TEX9: variants seen among roughly 807,000 people sequenced by gnomAD.
TEX9 encodes testis expressed 9, also known as testis-expressed protein 9.
A neutral mutation model predicts 59.6 loss-of-function variants in TEX9; 74 were observed. That is an observed-to-expected ratio of 1.24 (90% CI 1.03 to 1.51). The LOEUF (loss-of-function observed/expected upper bound fraction) is 1.51. Among genes scored for constraint, TEX9 ranks in the 40% most tolerant of loss-of-function variants. The probability of loss-of-function intolerance (pLI) is 0.00; values close to 1 mark genes in which losing one functional copy is unlikely to be tolerated. For missense variants in TEX9, 522 were observed against 447.8 expected (o/e 1.17, Z -1.49); for synonymous variants, 186 against 152.2 (o/e 1.22, Z -1.64).
At chr15:56,433,662 A>G (rs186959467) in intron 12 of TEX9, among the ~76,000 whole-genome samples, 40 of 152,178 alleles carry the variant, frequency 2.6e-4, no homozygotes, top group Non-Finnish European at 5.4e-4. Context: ...TCTACCTTCA[A>G]TGCTCTCACT....
At position 56,423,559 on chromosome 15, in the gene TEX9, A is replaced by G. The variant is rs375148608; in HGVS notation, c.964-4046A>G. On this transcript the variant is annotated intron_variant, in intron 10 of 12. Coordinates refer to ENST00000352903, the Ensembl canonical transcript of TEX9. ...ATTCATATACCATGCAACCCACTTAAAATATACAAATAAGTTTGTTTTTAG... is the reference window on the plus strand; with the variant it reads ...ATTCATATACCATGCAACCCACTTAGAATATACAAATAAGTTTGTTTTTAG... 2.1e-3 allele frequency among the ~76,000 whole-genome samples: 312 copies of G among 152,190 alleles called. 3 individuals carry two copies. The highest frequency in any genetic ancestry group is 7.2e-3 in the African/African-American group (297 of 41,534).
chr15:56,299,047 C>T (rs768059575), intron 1 of TEX9, among the ~76,000 whole-genome samples: 3 of 152,144 alleles, frequency 2.0e-5, no homozygotes, highest in Non-Finnish European at 4.4e-5. Context: ...AATAAAGCAC[C>T]TTCATAAGAG....
intron 1 of TEX9, among the ~76,000 whole-genome samples, chr15:56,355,798 G>C (rs76368723): frequency 6.6e-6 from 1 of 151,746 alleles, no homozygotes; most frequent in East Asian, 1.9e-4. Context: ...TACATGTTTT[G>C]GTAGATTTAT....
chr15:56,391,155 G>T, intron 6 of TEX9, 88 bp from the exon 7 acceptor site: 1 of 716,226 alleles, frequency 1.4e-6, no homozygotes, highest in Non-Finnish European at 2.0e-6. Flanking sequence ...CTGCTTATTT[G>T]GGTAAAAGGC....
At chr15:56,384,919 C>T (rs1375001024) in intron 4 of TEX9, among the ~76,000 whole-genome samples, 4 of 152,084 alleles carry the variant, frequency 2.6e-5, no homozygotes, top group African/African-American at 9.7e-5. Context: ...AAAGGGAATA[C>T]CTGATTATCT....
chr15:56,291,201 T>C (rs763228339), intron 1 of TEX9, among the ~76,000 whole-genome samples: 7 of 152,222 alleles, frequency 4.6e-5, no homozygotes, highest in Non-Finnish European at 8.8e-5. Flanking sequence ...TAAATACATA[T>C]GTGAAAGATC....
chr15:56,402,957 A>G (rs573204884), intron 9 of TEX9, among the ~76,000 whole-genome samples: 4 of 152,358 alleles, frequency 2.6e-5, no homozygotes, highest in African/African-American at 9.6e-5. Context: ...AAAACTTTCA[A>G]TAAACTAGGT....
At position 56,382,344 on chromosome 15, in the gene TEX9, G is replaced by A. The variant is rs550356292; in HGVS notation, c.184-1608G>A. ...CAGGCACCCCAAGAGTCCACGTGGT[G>A]CTCTGCCCTGCTGTGGCTGTGCTAG... On this transcript the variant is annotated intron_variant, in intron 3 of 12. Transcript: ENST00000352903. 2.6e-5 allele frequency among the ~76,000 whole-genome samples: 4 copies of A among 152,290 alleles called. No homozygotes were observed. The South Asian group carries it at 8.3e-4, about 32-fold the overall frequency.
chr15:56,359,796 AATG>A (rs1210326566), intron 1 of TEX9, among the ~76,000 whole-genome samples: 2 of 152,152 alleles, frequency 1.3e-5, no homozygotes, highest in African/African-American at 4.8e-5. Flanking sequence ...ATTAAATAAT[AATG>A]ATGATAAAGG....
At chr15:56,458,295 T>C in the TEX9 span, among the ~76,000 whole-genome samples, 22 of 152,128 alleles carry the variant, frequency 1.4e-4, no homozygotes, top group South Asian at 1.2e-3. Flanking sequence ...TTAAAAAAAA[T>C]AGACTTTGAA....
chr15:56,409,722 G>A (rs28609291), intron 9 of TEX9: 4,770 of 152,188 alleles, frequency 0.031, 183 homozygotes, highest in East Asian at 0.094. Flanking sequence ...GACTGGTCTC[G>A]AACTCCTGGG....
intron 12 of TEX9, among the ~76,000 whole-genome samples, chr15:56,430,635 G>T (rs1217257569): frequency 1.3e-5 from 2 of 152,200 alleles, no homozygotes; most frequent in African/African-American, 2.4e-5. Flanking sequence ...CTCAAGCTCA[G>T]TTCAACCATG....
chr15:56,313,126 A>C (rs1399088601), intron 1 of TEX9, among the ~76,000 whole-genome samples: 2 of 151,802 alleles, frequency 1.3e-5, no homozygotes, highest in African/African-American at 4.8e-5. Flanking sequence ...TCCTAATTGA[A>C]TACCCGTTAT....
intron 1 of TEX9, chr15:56,323,826 C>A (rs1413586599): frequency 1.9e-5 from 4 of 215,956 alleles, no homozygotes; most frequent in Non-Finnish European, 3.9e-5. Context: ...GTTCTAGTGA[C>A]TTTTTTCTTG....
chr15:56,319,984 G>T (rs1435215457), intron 1 of TEX9, among the ~76,000 whole-genome samples: 1 of 152,174 alleles, frequency 6.6e-6, no homozygotes, highest in African/African-American at 2.4e-5. Flanking sequence ...AGGCTGAACA[G>T]AGACAAAACT....
Position 56,312,506 on chromosome 15 carries a change from C to T in TEX9, c.-106-60935C>T, listed in dbSNP as rs1402735129. Among the ~76,000 whole-genome samples, 74 of 149,152 alleles carry T rather than the reference C, an allele frequency of 5.0e-4. 3 individuals carry two copies. Among genetic ancestry groups the T allele is most frequent in the African/African-American group, 1.9e-3 (74 of 39,772 alleles). On this transcript the variant is annotated intron_variant, in intron 1 of 5. Transcript: ENST00000560827. The stretch of plus-strand genomic sequence containing the variant: ...TCTGTTCTGTTCCATTGATCTATAT[C>T]TCTGTTTTGGTACCAGTACCATGCT...
At chr15:56,254,427 C>T (rs1313006454) in intron 1 of TEX9, among the ~76,000 whole-genome samples, 1 of 151,634 alleles carries the variant, frequency 6.6e-6, no homozygotes. Flanking sequence ...TGTAATTGTC[C>T]ACAGATTAAG....
intron 3 of TEX9, among the ~76,000 whole-genome samples, chr15:56,376,454 T>C (rs1252628985): frequency 6.6e-6 from 1 of 152,182 alleles, no homozygotes; most frequent in Non-Finnish European, 1.5e-5. Flanking sequence ...TAAGCCATTT[T>C]ATCAGAGTTG....
intron 1 of TEX9, among the ~76,000 whole-genome samples, chr15:56,283,591 T>A: frequency 6.6e-6 from 1 of 152,128 alleles, no homozygotes; most frequent in East Asian, 1.9e-4. Context: ...ACTTCACGTC[T>A]AGCATCAAAA....
Sources: allele counts gnomAD v4.1 joint callset (sites outside exome capture counted in the v4.1 genomes callset), GRCh38; gene constraint gnomAD v4.1.1; transcripts MANE v1.5; gene names NCBI Gene and HGNC (gene_info 2026-07-23, HGNC 2026-07-21).